NR6A1: variants seen among roughly 807,000 people sequenced by gnomAD.
NR6A1 encodes the protein retinoic acid receptor-related testis-associated receptor.
In NR6A1, 7 loss-of-function variants were observed where a neutral mutation model predicts 59.1. The ratio of observed to expected loss-of-function variants is 0.12; its 90% confidence interval spans 0.07 to 0.22. The LOEUF is 0.22. NR6A1 is among the 10% of genes least tolerant of loss of function. NR6A1 has a pLI of 1.00. For missense variants in NR6A1, 468 were observed against 611.6 expected (o/e 0.77, Z 2.48); for synonymous variants, 243 against 236.1 (o/e 1.03, Z -0.27).
At chr9:124,597,994 C>T (rs1835326478) in intron 2 of NR6A1, among the ~76,000 whole-genome samples, 1 of 152,082 alleles carries the variant, frequency 6.6e-6, no homozygotes, top group Non-Finnish European at 1.5e-5. Context: ...GGACTACAGG[C>T]ACGCACCACC....
At chr9:124,543,120 C>T (rs1392018591) in intron 4 of NR6A1, among the ~76,000 whole-genome samples, 1 of 152,164 alleles carries the variant, frequency 6.6e-6, no homozygotes, top group Non-Finnish European at 1.5e-5. Context: ...TACATGTGCC[C>T]AATGTTGCAG....
At chr9:124,644,810 G>T (rs1251470304) in intron 2 of NR6A1, among the ~76,000 whole-genome samples, 3 of 152,126 alleles carry the variant, frequency 2.0e-5, no homozygotes, top group Admixed American at 6.6e-5. Context: ...GACCCTCCAA[G>T]CACTAGCCAA....
intron 2 of NR6A1, among the ~76,000 whole-genome samples, chr9:124,708,101 T>C (rs1424351933): frequency 2.0e-5 from 3 of 152,202 alleles, no homozygotes; most frequent in Non-Finnish European, 2.9e-5. Context: ...CCAGACCTCC[T>C]TGTTAAAGCC....
chr9:124,560,233 C>T (rs888558380), intron 2 of NR6A1, among the ~76,000 whole-genome samples: 1 of 152,194 alleles, frequency 6.6e-6, no homozygotes, highest in African/African-American at 2.4e-5. Context: ...TACCATTAAC[C>T]AGTATCTTTC....
chr9:124,682,483 C>T (rs551954597), intron 2 of NR6A1, among the ~76,000 whole-genome samples: 2 of 152,244 alleles, frequency 1.3e-5, no homozygotes, highest in South Asian at 4.1e-4. Flanking sequence ...TATGAGAATT[C>T]AGCTATCCTT....
At chr9:124,526,650 T>C in intron 8 of NR6A1, 129 bp downstream of exon 8, 12 of 1,378,880 alleles carry the variant, frequency 8.7e-6, no homozygotes, top group Non-Finnish European at 1.2e-5. Context: ...CTTCCTGGAT[T>C]GAAACCCAGA....
intron 2 of NR6A1, among the ~76,000 whole-genome samples, chr9:124,568,396 T>C (rs564593058): frequency 2.5e-4 from 38 of 151,500 alleles, no homozygotes; most frequent in Non-Finnish European, 4.4e-4. Flanking sequence ...TGAGGCAGAA[T>C]TGCTTGAACC....
At chr9:124,677,972 G>A (rs1288179843) in intron 2 of NR6A1, among the ~76,000 whole-genome samples, 8 of 152,090 alleles carry the variant, frequency 5.3e-5, no homozygotes, top group Non-Finnish European at 8.8e-5. Context: ...CCGTAAAAGA[G>A]AACAAAGGGA....
intron 1 of NR6A1, among the ~76,000 whole-genome samples, chr9:124,754,477 C>T (rs1840586178): frequency 6.6e-6 from 1 of 152,168 alleles, no homozygotes; most frequent in African/African-American, 2.4e-5. Flanking sequence ...CAATTTGTCT[C>T]TACACTGCAG....
At chr9:124,590,666 C>G (rs1215494504) in intron 2 of NR6A1, among the ~76,000 whole-genome samples, 1 of 152,142 alleles carries the variant, frequency 6.6e-6, no homozygotes, top group East Asian at 1.9e-4. Flanking sequence ...GATATAACCC[C>G]TGAACCCAGA....
Position 124,518,729 on chromosome 9 carries a change from T to G in NR6A1, c.*3976A>C, listed in dbSNP as rs1832738549. ...GGCAGGGGAGTAAGAGTAGCGGATT[T>G]TTTTGTTAAATTTTGTTTGTTTTTT... On this transcript the variant is annotated 3_prime_UTR_variant, in exon 10 of 10. Coordinates refer to ENST00000487099, the MANE Select transcript of NR6A1 (RefSeq NM_033334.4). 1 of 151,610 alleles carries G rather than the reference T, an allele frequency of 6.6e-6. No homozygotes were observed. The highest frequency in any genetic ancestry group is 2.4e-5 in the African/African-American group (1 of 41,312). 9.4% of individuals were successfully genotyped at this position (151,610 alleles called of 1,614,324 possible).
intron 2 of NR6A1, among the ~76,000 whole-genome samples, chr9:124,726,759 T>A (rs561738608): frequency 6.6e-6 from 1 of 152,356 alleles, no homozygotes; most frequent in East Asian, 1.9e-4. Flanking sequence ...TAAAGCCTAG[T>A]TGAGAAAAAC....
chr9:124,580,394 G>T (rs919410553), intron 2 of NR6A1, among the ~76,000 whole-genome samples: 4 of 152,048 alleles, frequency 2.6e-5, no homozygotes, highest in African/African-American at 9.7e-5. Flanking sequence ...TCAGCTGAGG[G>T]TATGACCACA....
intron 1 of NR6A1, among the ~76,000 whole-genome samples, chr9:124,736,623 C>T (rs776854492): frequency 5.8e-4 from 88 of 152,220 alleles, no homozygotes; most frequent in Non-Finnish European, 9.4e-4. Flanking sequence ...GCAGGAGGAT[C>T]GCTTGAGCCC....
chr9:124,647,306 G>C (rs192699160), intron 2 of NR6A1, among the ~76,000 whole-genome samples: 2 of 152,238 alleles, frequency 1.3e-5, no homozygotes, highest in East Asian at 3.9e-4. Flanking sequence ...ACCCAAATCA[G>C]AGATGAAAAG....
At chr9:124,769,221 G>GCCA (rs1363395447) in intron 1 of NR6A1, among the ~76,000 whole-genome samples, 1 of 147,586 alleles carries the variant, frequency 6.8e-6, no homozygotes, top group Non-Finnish European at 1.5e-5. Flanking sequence ...GGAACGGCCA[G>GCCA]CCACCTAGCC....
At chr9:124,574,805 T>A (rs980612131) in intron 2 of NR6A1, among the ~76,000 whole-genome samples, 1 of 152,224 alleles carries the variant, frequency 6.6e-6, no homozygotes, top group African/African-American at 2.4e-5. Context: ...GAAATCATTC[T>A]TCCCACTCCC....
intron 2 of NR6A1, among the ~76,000 whole-genome samples, chr9:124,650,921 C>A (rs1837081708): frequency 6.6e-6 from 1 of 152,176 alleles, no homozygotes. Flanking sequence ...ATCACCACCA[C>A]CACTCTCCAA....
chr9:124,543,936 G>A (rs1009215091), intron 3 of NR6A1, 79 bp from the exon 4 acceptor site: 104 of 1,216,984 alleles, frequency 8.5e-5, no homozygotes, highest in Non-Finnish European at 1.2e-4. Context: ...AGTTTACTTG[G>A]CCAAAAGCAT....
Sources: allele counts gnomAD v4.1 joint callset (sites outside exome capture counted in the v4.1 genomes callset), GRCh38; gene constraint gnomAD v4.1.1; transcripts MANE v1.5; gene names NCBI Gene and HGNC (gene_info 2026-07-23, HGNC 2026-07-21).